The following CDH13 variants were observed in gnomAD, a reference collection of about 807,000 sequenced individuals.
CDH13 encodes the protein cadherin-13.
In CDH13, 24 loss-of-function variants were observed where a neutral mutation model predicts 63.8. The observed-to-expected ratio is 0.38, with a 90% CI of 0.27 to 0.53. The LOEUF (loss-of-function observed/expected upper bound fraction) is 0.53, where lower values mean the gene tolerates loss of function less well. Ranked by LOEUF, CDH13 falls within the 20% of genes least tolerant of loss-of-function variation. CDH13 has a pLI of 0.85. For synonymous variants in CDH13, 503 were observed against 355.3 expected, an observed-to-expected ratio of 1.42 and a Z score of -4.67; for missense variants, 1,049 against 903.1, an observed-to-expected ratio of 1.16 and a Z score of -2.07.
chr16:83,457,617 G>T (rs1428077804), intron 6 of CDH13, among the ~76,000 whole-genome samples: 1 of 151,998 alleles, frequency 6.6e-6, no homozygotes, highest in Admixed American at 6.6e-5. Context: ...CAATAAGCAG[G>T]AGGAGCACCT....
intron 8 of CDH13, among the ~76,000 whole-genome samples, chr16:83,630,508 T>C (rs897845260): frequency 6.6e-6 from 1 of 152,174 alleles, no homozygotes; most frequent in Non-Finnish European, 1.5e-5. Flanking sequence ...AGGTCATAAG[T>C]AGGTAACAGA....
intron 10 of CDH13, among the ~76,000 whole-genome samples, chr16:83,723,059 T>C (rs906941984): frequency 3.9e-5 from 6 of 152,168 alleles, no homozygotes; most frequent in Admixed American, 6.5e-5. Context: ...ATTTTTAAAA[T>C]ATGGAATGAA....
At chr16:82,717,921 T>A (rs149359684) in intron 1 of CDH13, among the ~76,000 whole-genome samples, 2 of 152,250 alleles carry the variant, frequency 1.3e-5, no homozygotes, top group East Asian at 3.9e-4. Context: ...CAAACCAAGA[T>A]GAGTTTCCTA....
intron 4 of CDH13, among the ~76,000 whole-genome samples, chr16:83,126,558 A>T (rs530046383): frequency 6.6e-6 from 1 of 152,316 alleles, no homozygotes; most frequent in African/African-American, 2.4e-5. Flanking sequence ...CAAATAAGAA[A>T]GAGATGTGAG....
At chr16:82,833,371 C>T (rs1167982831) in intron 1 of CDH13, among the ~76,000 whole-genome samples, 2 of 152,198 alleles carry the variant, frequency 1.3e-5, no homozygotes, top group African/African-American at 4.8e-5. Context: ...GAAAGTGCCT[C>T]TGTGGAAGTT....
chr16:83,530,970 A>G (rs2075071501), intron 7 of CDH13, among the ~76,000 whole-genome samples: 1 of 152,102 alleles, frequency 6.6e-6, no homozygotes. Context: ...GGGTCCTTTG[A>G]TGTCTCCACT....
chr16:83,719,944 T>C (rs1188915630), intron 10 of CDH13, among the ~76,000 whole-genome samples: 2 of 152,172 alleles, frequency 1.3e-5, no homozygotes, highest in African/African-American at 4.8e-5. Flanking sequence ...TGTAGGAATC[T>C]ACATCTCCCT....
intron 11 of CDH13, among the ~76,000 whole-genome samples, chr16:83,779,402 AT>A: frequency 8.9e-6 from 1 of 112,328 alleles, no homozygotes; most frequent in Admixed American, 1.0e-4. Flanking sequence ...GCGAGACTCC[AT>A]CTCAAAAAAA....
intron 2 of CDH13, among the ~76,000 whole-genome samples, chr16:82,940,350 G>A (rs10871441): frequency 0.34 from 50,968 of 151,906 alleles, 11,515 homozygotes; most frequent in African/African-American, 0.65. Flanking sequence ...CAGTCACCTC[G>A]GGGAGTAATT....
chr16:83,513,767 C>G (rs927478747), intron 7 of CDH13, among the ~76,000 whole-genome samples: 3 of 152,142 alleles, frequency 2.0e-5, no homozygotes, highest in Non-Finnish European at 4.4e-5. Context: ...AACTACAATT[C>G]AAGATGAGAT....
chr16:82,703,554 G>C (rs1031945980), intron 1 of CDH13, among the ~76,000 whole-genome samples: 1 of 152,158 alleles, frequency 6.6e-6, no homozygotes, highest in African/African-American at 2.4e-5. Flanking sequence ...GTGGTACCTG[G>C]ACTGATAATG....
chr16:82,970,720 G>T (rs1908615079), intron 2 of CDH13, among the ~76,000 whole-genome samples: 1 of 152,054 alleles, frequency 6.6e-6, no homozygotes, highest in Non-Finnish European at 1.5e-5. Context: ...GTGTAAGGCA[G>T]AGCTCCTTGA....
At chr16:82,715,724 G>T (rs1400371742) in intron 1 of CDH13, among the ~76,000 whole-genome samples, 1 of 152,178 alleles carries the variant, frequency 6.6e-6, no homozygotes, top group Non-Finnish European at 1.5e-5. Context: ...GTGCAGGAAA[G>T]ATCAGAAGAA....
intron 4 of CDH13, among the ~76,000 whole-genome samples, chr16:83,182,820 C>T (rs578122036): frequency 3.2e-4 from 49 of 152,118 alleles, no homozygotes; most frequent in Non-Finnish European, 6.9e-4. Flanking sequence ...TGATTTCCCA[C>T]GTCATGAGGA....
At chr16:83,770,183 C>G (rs1347923916) in intron 11 of CDH13, among the ~76,000 whole-genome samples, 1 of 152,128 alleles carries the variant, frequency 6.6e-6, no homozygotes, top group African/African-American at 2.4e-5. Context: ...TACAGGCTTC[C>G]CACACAAAGC....
At chr16:83,793,612 A>G (rs983160896) in intron 13 of CDH13, among the ~76,000 whole-genome samples, 1 of 152,138 alleles carries the variant, frequency 6.6e-6, no homozygotes. Context: ...GCCCCCAAAG[A>G]TGTACTCTTC....
chr16:82,800,139 T>G (rs1232819918), intron 1 of CDH13, among the ~76,000 whole-genome samples: 1 of 152,192 alleles, frequency 6.6e-6, no homozygotes, highest in African/African-American at 2.4e-5. Context: ...TCAATAAGCA[T>G]TTTTTTAAAG....
chr16:82,985,650 C>G (rs1910843436), intron 2 of CDH13, among the ~76,000 whole-genome samples: 1 of 152,124 alleles, frequency 6.6e-6, no homozygotes, highest in African/African-American at 2.4e-5. Flanking sequence ...TGAACCTTGG[C>G]CTCTTCTTTC....
intron 2 of CDH13, among the ~76,000 whole-genome samples, chr16:82,881,724 C>T (rs1481625737): frequency 6.6e-6 from 1 of 152,136 alleles, no homozygotes; most frequent in Non-Finnish European, 1.5e-5. Context: ...CACTATTGCC[C>T]TTGGAGACAG....
Sources: allele counts gnomAD v4.1 joint callset (sites outside exome capture counted in the v4.1 genomes callset), GRCh38; gene constraint gnomAD v4.1.1; transcripts MANE v1.5; gene names NCBI Gene and HGNC (gene_info 2026-07-23, HGNC 2026-07-21).